Variants in PWWP2A observed in about 807,000 individuals in gnomAD.
PWWP2A encodes PWWP domain containing 2A, also known as PWWP domain-containing protein 2A.
Under a neutral mutation model 48.5 loss-of-function variants are expected in PWWP2A, and 18 were observed. That is an observed-to-expected ratio of 0.37 (90% confidence interval 0.26 to 0.55). PWWP2A has a LOEUF of 0.55. Among genes scored for constraint, PWWP2A ranks in the 20% least tolerant of loss-of-function variants. PWWP2A has a pLI of 0.81. For synonymous variants in PWWP2A, 396 were observed against 387.7 expected (o/e 1.02, Z -0.25); for missense variants, 867 against 976.4 (o/e 0.89, Z 1.49).
intron 4 of PWWP2A, among the ~76,000 whole-genome samples, chr5:160,063,961 C>G (rs555346442): frequency 7.7e-6 from 1 of 129,988 alleles, no homozygotes; most frequent in Admixed American, 8.7e-5. Context: ...GGCTATAGAC[C>G]ATGACTTTTT....
chr5:160,114,699 G>A (rs1446178621), intron 1 of PWWP2A, among the ~76,000 whole-genome samples: 1 of 150,430 alleles, frequency 6.6e-6, no homozygotes, highest in Non-Finnish European at 1.5e-5. Context: ...GGAGGCCGAG[G>A]TTGCAGTGAG....
At chr5:160,052,628 G>A in the PWWP2A span, among the ~76,000 whole-genome samples, 1 of 147,660 alleles carries the variant, frequency 6.8e-6, no homozygotes, top group Non-Finnish European at 1.5e-5. Flanking sequence ...CTTGTGAATG[G>A]CCATAGTGGA....
the PWWP2A span, among the ~76,000 whole-genome samples, chr5:160,056,379 C>CA: frequency 3.3e-3 from 500 of 152,316 alleles, 2 homozygotes; most frequent in African/African-American, 0.011. Context: ...CACTAGCAAT[C>CA]TGATGAGGGC....
chr5:160,045,179 G>A, the PWWP2A span, among the ~76,000 whole-genome samples: 1 of 152,098 alleles, frequency 6.6e-6, no homozygotes. Flanking sequence ...AGCGTGATTA[G>A]CATGGTATGT....
At chr5:160,082,253 G>A (rs1754289001) in intron 2 of PWWP2A, among the ~76,000 whole-genome samples, 1 of 151,898 alleles carries the variant, frequency 6.6e-6, no homozygotes, top group Admixed American at 6.6e-5. Flanking sequence ...GACCATCCTG[G>A]CTAACACGGT....
intron 1 of PWWP2A, chr5:160,108,667 A>G (rs1201593320): frequency 2.0e-6 from 2 of 1,021,940 alleles, no homozygotes; most frequent in Non-Finnish European, 2.7e-6. Flanking sequence ...AAAAACACGT[A>G]AATTTTCTAC....
intron 1 of PWWP2A, among the ~76,000 whole-genome samples, chr5:160,102,718 C>A (rs149225417): frequency 6.6e-6 from 1 of 152,202 alleles, no homozygotes; most frequent in Non-Finnish European, 1.5e-5. Flanking sequence ...TCAAAGTACA[C>A]ATTGCCAATG....
Position 160,091,889 on chromosome 5 carries a change from C to A in PWWP2A, c.*493G>T. 1.0e-6 allele frequency: 1 copy of A among 984,528 alleles called. No individual in the cohort carries two copies. The highest frequency in any genetic ancestry group is 1.2e-6 in the Non-Finnish European group (1 of 829,656). 61.0% of individuals were successfully genotyped at this position (984,528 alleles called of 1,614,324 possible). A position where few individuals can be genotyped will look rare whatever the true frequency, so the allele number is the denominator to read the frequency against. On this transcript the variant is annotated 3_prime_UTR_variant, in exon 2 of 2. Transcript: ENST00000307063. ...AGTAGTCATTAAATATCCACTATTC[C>A]CCCAGCTCACCAAGCCCTTATTGCA...
chr5:160,082,443 CA>C (rs35974527), intron 2 of PWWP2A, among the ~76,000 whole-genome samples: 90,734 of 134,638 alleles, frequency 0.67, 28,751 homozygotes, highest in East Asian at 0.73. Flanking sequence ...GACTCCGTCT[CA>C]AAAAAAAAAA....
chr5:160,104,122 CAAAAAAAA>C lies in PWWP2A; in HGVS notation c.585-10065_585-10058del, dbSNP rs70990703. Among the ~76,000 whole-genome samples the C allele has an allele frequency of 1.2e-3, 72 of 61,766 alleles. 3 individuals are homozygous for C. Among genetic ancestry groups the C allele is most frequent in the Middle Eastern group, 0.036 (2 of 56 alleles). The allele number at this position is 61,766 out of a possible 152,430, so 40.5% of individuals were successfully genotyped here. Reference sequence around the variant, plus strand: ...TGGGCAACAGAGTGAGACTCTGTCTCAAAAAAAAAAAAAAAAAAGAAATGAAAAAAGAA... The same window carrying C: ...TGGGCAACAGAGTGAGACTCTGTCTCAAAAAAAAAAGAAATGAAAAAAGAA... On this transcript the variant is annotated intron_variant, in intron 1 of 1. Coordinates refer to ENST00000307063, the MANE Select transcript of PWWP2A (RefSeq NM_001130864.2).
chr5:160,080,481 A>T (rs764304823), intron 3 of PWWP2A, among the ~76,000 whole-genome samples: 1 of 152,180 alleles, frequency 6.6e-6, no homozygotes, highest in Non-Finnish European at 1.5e-5. Flanking sequence ...AGTTATTTTC[A>T]TTCATTAAAA....
At position 160,078,265 on chromosome 5, in the gene PWWP2A, T is replaced by C; in HGVS notation, c.1670-97A>G. ...TGTTGTTTAAGCCCTACATAGATTGTGGGATCACACCTGATTTTTTCTTTT... is the reference window on the plus strand; with the variant it reads ...TGTTGTTTAAGCCCTACATAGATTGCGGGATCACACCTGATTTTTTCTTTT... On this transcript the variant is annotated intron_variant, in intron 3 of 3. Coordinates refer to the PWWP2A transcript ENST00000456329. This position sits in a 1 kb window ranked among gnomAD's most constrained non-coding sequence, Gnocchi z 4.2. 9.8e-7 allele frequency: 1 copy of C among 1,017,154 alleles called. No homozygotes were observed. The highest frequency in any genetic ancestry group is 1.5e-6 in the Non-Finnish European group (1 of 664,688). The allele number at this position is 1,017,154 out of a possible 1,614,324, so 63.0% of individuals were successfully genotyped here. A position where few individuals can be genotyped will look rare whatever the true frequency, so the allele number is the denominator to read the frequency against.
At chr5:160,089,945 T>C (rs1581187166), downstream of PWWP2A, 2 of 985,186 alleles carry the variant, frequency 2.0e-6, no homozygotes, top group Non-Finnish European at 2.4e-6. Flanking sequence ...GACATTTCCA[T>C]TGGAATAAAA....
chr5:160,068,660 A>G (rs139264351), intron 2 of PWWP2A, among the ~76,000 whole-genome samples: 9 of 152,300 alleles, frequency 5.9e-5, no homozygotes, highest in African/African-American at 2.2e-4. Flanking sequence ...ACATTCTTTA[A>G]AATATTATCT....
At chr5:160,108,967 C>T (rs1757171813) in intron 1 of PWWP2A, among the ~76,000 whole-genome samples, 1 of 152,020 alleles carries the variant, frequency 6.6e-6, no homozygotes, top group African/African-American at 2.4e-5. Context: ...CAAGAGACAC[C>T]ATGCCCAGCC....
intron 1 of PWWP2A, among the ~76,000 whole-genome samples, chr5:160,118,334 C>A (rs115991227): frequency 6.6e-6 from 1 of 152,106 alleles, no homozygotes; most frequent in Non-Finnish European, 1.5e-5. Context: ...CTTTTGGGAA[C>A]CCCAATGTAC....
downstream of PWWP2A, among the ~76,000 whole-genome samples, chr5:160,061,125 C>T (rs1253899756): frequency 6.6e-6 from 1 of 152,218 alleles, no homozygotes; most frequent in Admixed American, 6.5e-5. Flanking sequence ...CACCTGCCTG[C>T]CCCGCTTCAG....
the PWWP2A span, among the ~76,000 whole-genome samples, chr5:160,056,768 A>C: frequency 0.7 from 106,132 of 151,964 alleles, 37,332 homozygotes; most frequent in African/African-American, 0.79. Flanking sequence ...GTGCCATATT[A>C]AAGAGCTATA....
At chr5:160,083,496 C>A (rs1754393779) in intron 2 of PWWP2A, among the ~76,000 whole-genome samples, 1 of 152,160 alleles carries the variant, frequency 6.6e-6, no homozygotes, top group Non-Finnish European at 1.5e-5. Flanking sequence ...TACGGCAAAA[C>A]ATTAAAATAG....
Sources: allele counts gnomAD v4.1 joint callset (sites outside exome capture counted in the v4.1 genomes callset), GRCh38; gene constraint gnomAD v4.1.1; non-coding constraint Gnocchi (gnomAD v3.1); transcripts MANE v1.5; gene names NCBI Gene and HGNC (gene_info 2026-07-23, HGNC 2026-07-21).